The following RYR1 variants were observed in gnomAD, a reference collection of about 807,000 sequenced individuals.
The protein encoded by RYR1 is ryanodine receptor 1, also known as central core disease of muscle.
RYR1 carries 342 observed loss-of-function variants against 583.5 expected under a neutral mutation model. The observed-to-expected ratio is 0.59, with a 90% CI of 0.54 to 0.64. The LOEUF (loss-of-function observed/expected upper bound fraction) is 0.64, where lower values mean the gene tolerates loss of function less well. RYR1 is among the 30% of genes least tolerant of loss of function. RYR1 has a pLI of 0.00. For synonymous variants in RYR1, 2,791 were observed against 2,822.5 expected (o/e 0.99, Z 0.35); for missense variants, 6,032 against 6,917.2 (o/e 0.87, Z 4.54).
rs1052323268 is a variant in RYR1 at position 38,474,821 on chromosome 19, C to T, written c.4161-497C>T. On this transcript the variant is annotated intron_variant, in intron 28 of 105. Transcript: ENST00000359596. ...AACTCCTGACCTCAGGTGATCCGTA[C>T]GATGGCAGAGGTTTTCAATGGGATT... Among the ~76,000 whole-genome samples, 3 of 151,726 alleles carry T rather than the reference C, an allele frequency of 2.0e-5. No individual in the cohort carries two copies. The South Asian group carries it at 6.3e-4, about 32-fold the overall frequency.
chr19:38,570,465 A>G (rs1180782104), intron 93 of RYR1, 142 bp from the exon 94 acceptor site: 2 of 398,672 alleles, frequency 5.0e-6, no homozygotes, highest in East Asian at 5.1e-5. Context: ...AATAATAATA[A>G]TAATAATTAA....
rs1268596283 is a variant in RYR1 at position 38,565,159 on chromosome 19, G to A, written c.12825G>A (p.Ala4275=). ...AGAAEAGAEG[A]EEGAAGLEGT... ...CGGCGGAGGCGGGCGCGGAAGGCGC[G>A]GAGGAGGGCGCGGCGGGGCTCGAGG... Residue 4275 remains alanine (A), a synonymous_variant, in exon 91 of 106, where the codon GCG becomes GCA. Transcript: ENST00000359596. The surrounding 1 kb of genome is among the most constrained non-coding windows in gnomAD (Gnocchi z 4.7). 2.7e-6 allele frequency: 4 copies of A among 1,484,020 alleles called. No individual in the cohort carries two copies. The South Asian group carries it at 3.7e-5, about 14-fold the overall frequency. The allele number at this position is 1,484,020 out of a possible 1,614,324, so 91.9% of individuals were successfully genotyped here.
Position 38,469,577 on chromosome 19 carries a change from CTTCT to C in RYR1, c.3765+67_3765+70del. ...CAAAGCTCCTTCCTTCCACAGTGCT[CTTCT>C]TTGAGTTTCTCTTTTCCCTCCATGT... On this transcript the variant is annotated intron_variant, in intron 27 of 105. Coordinates refer to ENST00000359596, the MANE Select transcript of RYR1 (RefSeq NM_000540.3). 4 of 1,487,900 alleles carry C rather than the reference CTTCT, an allele frequency of 2.7e-6. No individual in the cohort carries two copies. In the South Asian group the frequency reaches 4.5e-5, roughly 17 times the overall value. The allele number at this position is 1,487,900 out of a possible 1,614,324, so 92.2% of individuals were successfully genotyped here.
rs35479919 is a variant in RYR1 at position 38,471,899 on chromosome 19, C to CAAAA, written c.3766-1460_3766-1457dup. Among the ~76,000 whole-genome samples the CAAAA allele has an allele frequency of 8.8e-4, 53 of 59,936 alleles. 1 individual carries two copies. Among genetic ancestry groups the CAAAA allele is most frequent in the Non-Finnish European group, 1.4e-3 (39 of 28,104 alleles). 39.3% of individuals were successfully genotyped at this position (59,936 alleles called of 152,430 possible). On this transcript the variant is annotated intron_variant, in intron 27 of 105. Coordinates refer to ENST00000359596, the MANE Select transcript of RYR1 (RefSeq NM_000540.3). ...CCTGGGTGACAGCGAGACTCTGTCT[C>CAAAA]AAAAAAAAAAAAAAAAAAAAAGATT...
At position 38,586,512 on chromosome 19, in the gene RYR1, C is replaced by T; in HGVS notation, c.14970-13C>T. ...TGGTTCTGACTTGTCTCCTGTGGTC[C>T]TCTCACCCTCAGGTTTTTCCTGATG... On this transcript the variant is annotated splice_polypyrimidine_tract_variant and intron_variant, in intron 104 of 105. Coordinates refer to ENST00000359596, the MANE Select transcript of RYR1 (RefSeq NM_000540.3). The T allele has an allele frequency of 1.2e-6, 2 of 1,613,098 alleles. No individual in the cohort carries two copies. The highest frequency in any genetic ancestry group is 2.2e-5 in the South Asian group (2 of 91,070).
chr19:38,501,068 C>T, intron 47 of RYR1, 78 bp downstream of exon 47: 1 of 1,427,482 alleles, frequency 7.0e-7, no homozygotes, highest in East Asian at 2.4e-5. Context: ...AGAGCAGCAG[C>T]AGCTGCTTTT....
Position 38,572,286 on chromosome 19 carries a change from T to C in RYR1, c.13998+16T>C, listed in dbSNP as rs1973752408. On this transcript the variant is annotated intron_variant, in intron 95 of 105. Transcript: ENST00000359596. ...TTGTCTCAAGGTGGGCCCATGGCCA[T>C]GGTTCTGGGGCAAGGGCTTATTGGC... 7.7e-7 allele frequency: 1 copy of C among 1,290,906 alleles called. No individual in the cohort carries two copies. Among genetic ancestry groups the C allele is most frequent in the Non-Finnish European group, 1.0e-6 (1 of 987,756 alleles). The allele number at this position is 1,290,906 out of a possible 1,614,324, so 80.0% of individuals were successfully genotyped here. A position where few individuals can be genotyped will look rare whatever the true frequency, so the allele number is the denominator to read the frequency against.
intron 42 of RYR1, among the ~76,000 whole-genome samples, chr19:38,497,721 C>T (rs1017038238): frequency 6.6e-6 from 1 of 152,150 alleles, no homozygotes; most frequent in African/African-American, 2.4e-5. Flanking sequence ...CATCTATAAT[C>T]CCAGCACTTT....
In RYR1 at chr19:38,444,599, A is replaced by T; in HGVS notation, c.553A>T (p.Ser185Cys). 6.2e-7 allele frequency: 1 copy of T among 1,613,858 alleles called. No homozygotes were observed. The highest frequency in any genetic ancestry group is 8.5e-7 in the Non-Finnish European group (1 of 1,179,908). Residue 185 changes from serine to cysteine, a missense_variant, in exon 7 of 106, where the codon AGT becomes TGT. Transcript: ENST00000359596. This position sits in a 1 kb window ranked among gnomAD's most constrained non-coding sequence, Gnocchi z 5.1. ...SERYLHLSTASGELQVDASFM... is the reference protein window; with the variant it reads ...SERYLHLSTACGELQVDASFM... ...TGGCCCCCAGCACCTGTCGACCGCC[A>T]GTGGGGAGCTCCAGGTTGACGCTTC...
chr19:38,503,501 G>A (rs1970296723), intron 49 of RYR1, among the ~76,000 whole-genome samples: 1 of 152,254 alleles, frequency 6.6e-6, no homozygotes, highest in Non-Finnish European at 1.5e-5. Flanking sequence ...AGCCAGGCGC[G>A]GTGGCTCACG....
rs780267024 is a variant in RYR1 at position 38,494,852 on chromosome 19, C to CTTTTTT, written c.6548+227_6548+228insTTTTTT. On this transcript the variant is annotated intron_variant, in intron 39 of 105. Transcript: ENST00000359596. ...CTCAGCAGGACATTCCCCACCCCCCCCTTTTTTTTTTTTTTTGTGAGACTG... is the reference window on the plus strand; with the variant it reads ...CTCAGCAGGACATTCCCCACCCCCCCTTTTTTCTTTTTTTTTTTTTTTGTGAGACTG... Among the ~76,000 whole-genome samples, 3 of 142,114 alleles carry CTTTTTT rather than the reference C, an allele frequency of 2.1e-5. 1 individual carries two copies. The highest frequency in any genetic ancestry group is 8.5e-5 in the African/African-American group (3 of 35,322). The allele number at this position is 142,114 out of a possible 152,430, so 93.2% of individuals were successfully genotyped here.
At position 38,473,225 on chromosome 19, in the gene RYR1, C is replaced by G. The variant is rs948123391; in HGVS notation, c.3766-152C>G. The G allele has an allele frequency of 8.7e-5, 86 of 984,772 alleles. 1 individual carries two copies. In the African/African-American group the frequency reaches 1.3e-3, roughly 15 times the overall value. 61.0% of individuals were successfully genotyped at this position (984,772 alleles called of 1,614,324 possible). A position where few individuals can be genotyped will look rare whatever the true frequency, so the allele number is the denominator to read the frequency against. ...GCCCAGCGGTGTACCCGGCCGGGAG[C>G]TTCATCCCCCTGCAGGAGTGGGGGG... On this transcript the variant is annotated intron_variant, in intron 27 of 105. Transcript: ENST00000359596.
In RYR1 at chr19:38,447,027, A is replaced by AC. The variant is rs762435782; in HGVS notation, c.800+264dup. ...AAACCAGCCTAGGCAACATCATGAG[A>AC]CCCCCGTCTCTGCAAAAAAAATAAA... On this transcript the variant is annotated intron_variant, in intron 9 of 105. Coordinates refer to ENST00000359596, the MANE Select transcript of RYR1 (RefSeq NM_000540.3). Among the ~76,000 whole-genome samples the AC allele has an allele frequency of 9.9e-4, 149 of 150,968 alleles. 1 individual carries two copies. Among genetic ancestry groups the AC allele is most frequent in the Non-Finnish European group, 1.7e-3 (113 of 67,840 alleles).
At chr19:38,586,316 A>G in intron 104 of RYR1, 125 bp downstream of exon 104, 1 of 1,130,746 alleles carries the variant, frequency 8.8e-7, no homozygotes, top group South Asian at 1.3e-5. Context: ...ATTCCCTGCC[A>G]GCCAATCAGA....
At chr19:38,558,751 C>G (rs548057555) in intron 89 of RYR1, among the ~76,000 whole-genome samples, 1 of 152,050 alleles carries the variant, frequency 6.6e-6, no homozygotes, top group Non-Finnish European at 1.5e-5. Flanking sequence ...TGCACTCCAG[C>G]CTGGGTGACA....
chr19:38,456,759 A>C (rs1967416403), intron 16 of RYR1, among the ~76,000 whole-genome samples: 1 of 149,746 alleles, frequency 6.7e-6, no homozygotes, highest in Non-Finnish European at 1.5e-5. Context: ...TATTAAAAGG[A>C]ATGACAGCCG....
intron 52 of RYR1, 55 bp downstream of exon 52, chr19:38,505,136 C>T (rs371034753): frequency 4.5e-5 from 69 of 1,522,372 alleles, no homozygotes; most frequent in South Asian, 1.1e-4. Context: ...GCTTTCCCCC[C>T]GACCTGGTTC....
rs1969978141 is a variant in RYR1, at chr19:38,499,100, G to A, written c.6892-8G>A. ...TCTGGTCTCTGACTGAGCCCCTTCTGCCCCCAGGTTGTGTCCTACCTGGCA... is the reference window on the plus strand; with the variant it reads ...TCTGGTCTCTGACTGAGCCCCTTCTACCCCCAGGTTGTGTCCTACCTGGCA... On this transcript the variant is annotated splice_region_variant and splice_polypyrimidine_tract_variant and intron_variant, in intron 42 of 105. Transcript: ENST00000359596. This position sits in a 1 kb window ranked among gnomAD's most constrained non-coding sequence, Gnocchi z 7.3. 1 of 1,613,892 alleles carries A rather than the reference G, an allele frequency of 6.2e-7. No homozygotes were observed.
chr19:38,585,175 G>T (rs1974417346), intron 102 of RYR1, 76 bp downstream of exon 102: 2 of 1,546,538 alleles, frequency 1.3e-6, no homozygotes, highest in Non-Finnish European at 1.8e-6. Flanking sequence ...CCAGGATCCA[G>T]TCGGCCTGCA....
Sources: gnomAD v4.1 joint callset for allele counts (sites outside exome capture counted in the v4.1 genomes callset) on GRCh38, gnomAD v4.1.1 for gene constraint, Gnocchi (gnomAD v3.1) non-coding constraint, MANE v1.5 for transcripts, NCBI Gene and HGNC (gene_info 2026-07-23, HGNC 2026-07-21) for gene names.